Variants in AGBL4 observed in about 807,000 individuals in gnomAD.
The protein encoded by AGBL4 is cytosolic carboxypeptidase 6.
In AGBL4, 58 loss-of-function variants were observed where a neutral mutation model predicts 66.4. The observed-to-expected ratio is 0.87, with a 90% CI of 0.71 to 1.09. The LOEUF (loss-of-function observed/expected upper bound fraction) is 1.09, where lower values mean the gene tolerates loss of function less well. Among genes scored for constraint, AGBL4 ranks in the 50% least tolerant of loss-of-function variants. The probability of loss-of-function intolerance (pLI) is 0.00; values close to 1 mark genes in which losing one functional copy is unlikely to be tolerated. For synonymous variants in AGBL4, 234 were observed against 222.9 expected (o/e 1.05, Z -0.44); for missense variants, 579 against 631.0 (o/e 0.92, Z 0.88).
chr1:48,726,731 G>A (rs1267037013), intron 6 of AGBL4, among the ~76,000 whole-genome samples: 1 of 152,186 alleles, frequency 6.6e-6, no homozygotes, highest in African/African-American at 2.4e-5. Context: ...ACCAATTAAT[G>A]GATGACCCAT....
chr1:49,086,854 C>T (rs941570740), intron 4 of AGBL4, among the ~76,000 whole-genome samples: 2 of 151,984 alleles, frequency 1.3e-5, no homozygotes, highest in African/African-American at 4.8e-5. Flanking sequence ...CAACTGTAGC[C>T]CCTGCCTGAG....
At chr1:48,536,627 G>T (rs1305633558) in intron 12 of AGBL4, among the ~76,000 whole-genome samples, 3 of 152,190 alleles carry the variant, frequency 2.0e-5, no homozygotes, top group Non-Finnish European at 4.4e-5. Context: ...GTGTTGAGGA[G>T]CTGACAAGCC....
intron 3 of AGBL4, among the ~76,000 whole-genome samples, chr1:49,451,374 C>T (rs898301053): frequency 1.3e-5 from 2 of 151,870 alleles, no homozygotes; most frequent in Admixed American, 6.6e-5. Flanking sequence ...ATCAATTTTG[C>T]CATATAACCC....
At chr1:48,706,961 T>C (rs1224925978) in intron 6 of AGBL4, among the ~76,000 whole-genome samples, 1 of 152,208 alleles carries the variant, frequency 6.6e-6, no homozygotes, top group Non-Finnish European at 1.5e-5. Context: ...AGGAAATCAG[T>C]CATCTCCCAG....
At chr1:49,453,325 T>C (rs1004202134) in intron 3 of AGBL4, among the ~76,000 whole-genome samples, 1 of 151,848 alleles carries the variant, frequency 6.6e-6, no homozygotes, top group Admixed American at 6.6e-5. Context: ...ATGCCACAAA[T>C]ATCCTCTATA....
chr1:50,023,719 G>A, intron 1 of AGBL4, 44 bp downstream of exon 1: 1 of 1,538,468 alleles, frequency 6.5e-7, no homozygotes, highest in African/African-American at 1.4e-5. Flanking sequence ...ACCCAGGACA[G>A]CCTGGCCGCC....
chr1:49,373,774 A>G (rs1335594929), intron 3 of AGBL4, among the ~76,000 whole-genome samples: 1 of 152,136 alleles, frequency 6.6e-6, no homozygotes, highest in Non-Finnish European at 1.5e-5. Context: ...CACTATTAAA[A>G]AAATATCTCC....
At chr1:49,382,309 A>G (rs993159045) in intron 3 of AGBL4, among the ~76,000 whole-genome samples, 4 of 152,200 alleles carry the variant, frequency 2.6e-5, no homozygotes, top group African/African-American at 4.8e-5. Flanking sequence ...CCAAATGCAC[A>G]TTATAAGTTA....
rs1218059536 is a variant in AGBL4, at chr1:48,546,239, CAG to C, written c.1268-6503_1268-6502del. 4.6e-5 allele frequency among the ~76,000 whole-genome samples: 7 copies of C among 152,326 alleles called. No homozygotes were observed. The East Asian group carries it at 1.4e-3, about 29-fold the overall frequency. ...AATCAGAGAGTTTACATAACTAATT[CAG>C]AGTCTCGTGGCTTGAATGTAACAAA... On this transcript the variant is annotated intron_variant, in intron 11 of 13. Coordinates refer to ENST00000371839, the MANE Select transcript of AGBL4 (RefSeq NM_032785.4).
intron 3 of AGBL4, among the ~76,000 whole-genome samples, chr1:49,540,609 C>T (rs995046241): frequency 2.0e-5 from 3 of 152,062 alleles, no homozygotes; most frequent in Non-Finnish European, 2.9e-5. Context: ...AGGATGTATA[C>T]TATATGGCAA....
chr1:49,373,597 A>T lies in AGBL4; in HGVS notation c.283-127733T>A, dbSNP rs866023498. Among the ~76,000 whole-genome samples the T allele has an allele frequency of 2.6e-5, 4 of 152,280 alleles. 1 individual carries two copies. The Middle Eastern group carries it at 0.01, about 388-fold the overall frequency. ...AGGGCAATAGTACAAAACAGTTCAAAATAAATTTGTTATGGCTTTTATATG... is the reference window on the plus strand; with the variant it reads ...AGGGCAATAGTACAAAACAGTTCAATATAAATTTGTTATGGCTTTTATATG... On this transcript the variant is annotated intron_variant, in intron 3 of 13. Transcript: ENST00000371839.
chr1:49,151,730 G>T (rs1280779851), intron 4 of AGBL4, among the ~76,000 whole-genome samples: 1 of 152,154 alleles, frequency 6.6e-6, no homozygotes, highest in Non-Finnish European at 1.5e-5. Flanking sequence ...CCCCTCTGAA[G>T]AATTACAACG....
intron 1 of AGBL4, among the ~76,000 whole-genome samples, chr1:49,920,037 T>C (rs1375431184): frequency 6.6e-6 from 1 of 152,110 alleles, no homozygotes; most frequent in Non-Finnish European, 1.5e-5. Context: ...GCTAGCCATA[T>C]GTAGAAAGCT....
intron 1 of AGBL4, among the ~76,000 whole-genome samples, chr1:49,979,358 G>A (rs1050563875): frequency 6.6e-6 from 1 of 151,772 alleles, no homozygotes; most frequent in Non-Finnish European, 1.5e-5. Context: ...CTACTCGGGA[G>A]GCTGAGGCAG....
At chr1:49,983,007 G>A (rs1659197084) in intron 1 of AGBL4, among the ~76,000 whole-genome samples, 1 of 152,216 alleles carries the variant, frequency 6.6e-6, no homozygotes, top group African/African-American at 2.4e-5. Context: ...AGTCTCCTCT[G>A]AGCTGTTCTA....
chr1:49,574,673 G>A (rs1225707376), intron 3 of AGBL4, among the ~76,000 whole-genome samples: 1 of 152,038 alleles, frequency 6.6e-6, no homozygotes. Flanking sequence ...TAAATACAAT[G>A]GGAATAATTG....
At chr1:48,880,762 A>G (rs1649702388) in intron 5 of AGBL4, among the ~76,000 whole-genome samples, 1 of 152,124 alleles carries the variant, frequency 6.6e-6, no homozygotes, top group Non-Finnish European at 1.5e-5. Context: ...TTTTCTAGCC[A>G]TTGTCTAAGT....
At chr1:48,879,168 TA>T (rs938837968) in intron 5 of AGBL4, among the ~76,000 whole-genome samples, 1 of 151,662 alleles carries the variant, frequency 6.6e-6, no homozygotes, top group Non-Finnish European at 1.5e-5. Context: ...TACCTTTTGT[TA>T]CATGGAGAAA....
chr1:49,862,173 C>T (rs1004628888), intron 1 of AGBL4, among the ~76,000 whole-genome samples: 1 of 151,968 alleles, frequency 6.6e-6, no homozygotes, highest in Non-Finnish European at 1.5e-5. Flanking sequence ...AGAATGCTAT[C>T]AGATACATAT....
Sources: gnomAD v4.1 joint callset for allele counts (sites outside exome capture counted in the v4.1 genomes callset) on GRCh38, gnomAD v4.1.1 for gene constraint, MANE v1.5 for transcripts, NCBI Gene and HGNC (gene_info 2026-07-23, HGNC 2026-07-21) for gene names.